The following NEB variants were observed in gnomAD, a reference collection of about 807,000 sequenced individuals.
NEB encodes nebulin.
Under a neutral mutation model 952.2 loss-of-function variants are expected in NEB, and 512 were observed. The observed-to-expected ratio is 0.54, with a 90% CI of 0.50 to 0.58. The LOEUF is 0.58. Among genes scored for constraint, NEB ranks in the 20% least tolerant of loss-of-function variants. The pLI, the probability that NEB is intolerant of heterozygous loss-of-function variation, is 0.00. For missense variants in NEB, 8,428 were observed against 9,231.1 expected, an observed-to-expected ratio of 0.91 and a Z score of 3.56; for synonymous variants, 2,900 against 3,149.8, an observed-to-expected ratio of 0.92 and a Z score of 2.66.
At position 151,627,641 on chromosome 2, in the gene NEB, T is replaced by A; in HGVS notation, c.10025A>T (p.Lys3342Met). The A allele has an allele frequency of 6.2e-7, 1 of 1,614,028 alleles. No homozygotes were observed. The highest frequency in any genetic ancestry group is 8.5e-7 in the Non-Finnish European group (1 of 1,179,886). The change falls in exon 69 of 182, where the codon AAG becomes ATG. Residue 3342 changes from lysine to methionine, a missense_variant. Transcript: ENST00000397345. Reference protein sequence around the residue: ...PVDMLGVVLAKKCQTLVSDVD... With the variant: ...PVDMLGVVLAMKCQTLVSDVD... ...ATCGCTGACTAAGGTCTGGCACTTCTTGGCTAACACCACTCCCAGCATGTC... is the reference window on the plus strand; with the variant it reads ...ATCGCTGACTAAGGTCTGGCACTTCATGGCTAACACCACTCCCAGCATGTC...
chr2:151,675,233 C>T (rs961926764), intron 35 of NEB, 54 bp downstream of exon 35: 8 of 1,252,388 alleles, frequency 6.4e-6, no homozygotes, highest in Admixed American at 2.0e-5. Flanking sequence ...CTCTTAAAGT[C>T]TATAATTTTA....
chr2:151,617,312 C>T (rs1573826626), intron 75 of NEB, 52 bp downstream of exon 75: 1 of 1,245,114 alleles, frequency 8.0e-7, no homozygotes, highest in Non-Finnish European at 1.1e-6. Flanking sequence ...GAAACAGCTA[C>T]AGTGGTTCAT....
intron 151 of NEB, among the ~76,000 whole-genome samples, 170 bp from the exon 152 acceptor site, chr2:151,524,786 C>T (rs1205790433): frequency 6.7e-6 from 1 of 150,022 alleles, no homozygotes; most frequent in Admixed American, 6.7e-5. Flanking sequence ...TCTGCCTCAG[C>T]CTCCCGAGTA....
chr2:151,662,367 T>A (rs376617021), intron 45 of NEB, 26 bp from the exon 46 acceptor site: 1 of 1,521,976 alleles, frequency 6.6e-7, no homozygotes, highest in African/African-American at 1.4e-5. Flanking sequence ...AATTAAATTA[T>A]GAGAAGAAAC....
chr2:151,502,895 AC>A lies in NEB; in HGVS notation c.23836-11del. ...TTTCTTTGTACAAAACCTGTGAGATACAAGAAAGTACCCAGAGGACATTTAA... is the reference window on the plus strand; with the variant it reads ...TTTCTTTGTACAAAACCTGTGAGATAAAGAAAGTACCCAGAGGACATTTAA... On this transcript the variant is annotated splice_polypyrimidine_tract_variant and intron_variant, in intron 166 of 181. Coordinates refer to ENST00000397345, the MANE Select transcript of NEB (RefSeq NM_001164508.2). 6.7e-7 allele frequency: 1 copy of A among 1,487,968 alleles called. No individual in the cohort carries two copies. Among genetic ancestry groups the A allele is most frequent in the Non-Finnish European group, 9.3e-7 (1 of 1,073,230 alleles). 92.2% of individuals were successfully genotyped at this position (1,487,968 alleles called of 1,614,324 possible).
intron 74 of NEB, 74 bp downstream of exon 74, chr2:151,618,201 G>T: frequency 1.5e-6 from 2 of 1,305,146 alleles, no homozygotes; most frequent in Non-Finnish European, 2.2e-6. Flanking sequence ...TCTTTAAAAT[G>T]CAATAATATA....
At chr2:151,676,397 C>T (rs1167860374) in intron 34 of NEB, among the ~76,000 whole-genome samples, 1 of 152,176 alleles carries the variant, frequency 6.6e-6, no homozygotes, top group African/African-American at 2.4e-5. Context: ...ATCTTCTCAC[C>T]TCCAGTCTCT....
In NEB at chr2:151,619,727, ACCC is replaced by A; in HGVS notation, c.10593_10595del (p.Leu3531_Gly3532delinsPhe). On this transcript the variant is annotated inframe_deletion, in exon 73 of 182. Transcript: ENST00000397345. The stretch of plus-strand genomic sequence containing the variant: ...GTACTGCTCGGGCGCCAATGTGGTG[ACCC>A]AACTGTTTACGATATGCTTCTTTGT... 6.2e-7 allele frequency: 1 copy of A among 1,613,280 alleles called. No individual in the cohort carries two copies. The highest frequency in any genetic ancestry group is 8.5e-7 in the Non-Finnish European group (1 of 1,179,358).
chr2:151,701,567 T>C (rs1191915078), intron 13 of NEB, among the ~76,000 whole-genome samples: 1 of 151,682 alleles, frequency 6.6e-6, no homozygotes, highest in Non-Finnish European at 1.5e-5. Flanking sequence ...TATTCAGAGA[T>C]TCAACTTCTT....
In NEB at chr2:151,717,486, G is replaced by T; in HGVS notation, c.752C>A (p.Ala251Asp). Residue 251 changes from alanine (A) to aspartate (D), a missense_variant, in exon 10 of 182, where the codon GCT (alanine) becomes GAT (aspartate). Coordinates refer to ENST00000397345, the MANE Select transcript of NEB (RefSeq NM_001164508.2). ...AGGATCAGCCAGAGGCGTGAATTGA[G>T]CTTGCTGTTCAGCGAGACCTTTTTT... ...AYKKGLAEQQAQFTPLADPPD... is the reference protein window; with the variant it reads ...AYKKGLAEQQDQFTPLADPPD... The T allele has an allele frequency of 6.2e-7, 1 of 1,613,934 alleles. No homozygotes were observed. Among genetic ancestry groups the T allele is most frequent in the Non-Finnish European group, 8.5e-7 (1 of 1,179,822 alleles).
chr2:151,639,392 A>G lies in NEB; in HGVS notation c.8890-8T>C. On this transcript the variant is annotated splice_region_variant and splice_polypyrimidine_tract_variant and intron_variant, in intron 62 of 181. Transcript: ENST00000397345. ...GGCTTCTGTGTATAAACGCTATCAA[A>G]AAAAATACACAAATTCATCAGGAAA... The G allele has an allele frequency of 1.3e-6, 2 of 1,512,966 alleles. No homozygotes were observed. The highest frequency in any genetic ancestry group is 1.8e-6 in the Non-Finnish European group (2 of 1,128,670). The allele number at this position is 1,512,966 out of a possible 1,614,324, so 93.7% of individuals were successfully genotyped here.
Position 151,533,526 on chromosome 2 carries a change from G to A in NEB, c.21333C>T (p.Ala7111=). The change falls in exon 143 of 182, where the codon GCC becomes GCT. Residue 7111 remains alanine, a synonymous_variant. Coordinates refer to ENST00000397345, the MANE Select transcript of NEB (RefSeq NM_001164508.2). ...TACATCCATGTTGCAGAAACATCTT[G>A]GCACTAGATTTATATTTTCTCTGTC... is the stretch of plus-strand genomic sequence containing the variant. ...LMNERKYKSS[A]KMFLQHGCNE... The A allele has an allele frequency of 6.4e-7, 1 of 1,550,748 alleles. No individual in the cohort carries two copies. The highest frequency in any genetic ancestry group is 8.7e-7 in the Non-Finnish European group (1 of 1,146,318).
rs773701995 is a variant in NEB, at chr2:151,537,909, T to A, written c.21065A>T (p.His7022Leu). Residue 7022 changes from histidine to leucine, a missense_variant, in exon 140 of 182, where the codon CAT becomes CTT. This residue lies in a region of NEB where 3,374 missense variants were observed against 3,651.5 expected (regional missense o/e 0.92). Coordinates refer to ENST00000397345, the MANE Select transcript of NEB (RefSeq NM_001164508.2). ...IWRSIPDRPE[H>L]FHHRAVTDTV... ...GTCAGTGACTGCTCGGTGGTGGAAA[T>A]GCTCTGGACGATCAGGAATGGACCT... The A allele has an allele frequency of 1.2e-5, 20 of 1,612,344 alleles. No individual in the cohort carries two copies. Among genetic ancestry groups the A allele is most frequent in the Non-Finnish European group, 1.7e-5 (20 of 1,179,284 alleles).
Position 151,727,719 on chromosome 2 carries a change from C to T in NEB, c.266G>A (p.Ser89Asn). 1 of 1,613,422 alleles carries T rather than the reference C, an allele frequency of 6.2e-7. No homozygotes were observed. Among genetic ancestry groups the T allele is most frequent in the Non-Finnish European group, 8.5e-7 (1 of 1,179,528 alleles). ...SKFMTPYIAH[S>N]QKMQDLFSPN... ...GCTAAAAAGATCCTGCATTTTCTGA[C>T]TGTGTGCAATGTAGGGGGTCATGAA... Residue 89 changes from serine (S) to asparagine (N), a missense_variant, in exon 5 of 182, where the codon AGT becomes AAT. By Grantham distance (46) the Ser-to-Asn change is conservative. Transcript: ENST00000397345.
intron 145 of NEB, among the ~76,000 whole-genome samples, chr2:151,529,872 G>A (rs1411011873): frequency 6.6e-6 from 1 of 152,104 alleles, no homozygotes; most frequent in African/African-American, 2.4e-5. Flanking sequence ...GAAAGGACCA[G>A]TTGGAACCCT....
intron 107 of NEB, 120 bp downstream of exon 107, chr2:151,575,575 G>C (rs1164348448): frequency 8.3e-6 from 6 of 719,004 alleles, no homozygotes; most frequent in Non-Finnish European, 1.4e-5. Context: ...TGACCACAAG[G>C]AGTCTTCCCC....
chr2:151,562,499 G>T, intron 120 of NEB, 112 bp downstream of exon 120: 1 of 1,140,378 alleles, frequency 8.8e-7, no homozygotes, highest in Non-Finnish European at 1.2e-6. Context: ...TTGAGAAGCA[G>T]CAAGATTTAT....
chr2:151,494,423 C>T (rs992623085), intron 173 of NEB, among the ~76,000 whole-genome samples, 170 bp from the exon 174 acceptor site: 1 of 152,112 alleles, frequency 6.6e-6, no homozygotes, highest in African/African-American at 2.4e-5. Context: ...GTAGTTACAG[C>T]AAGACACAAC....
chr2:151,728,185 C>A (rs1035175962), intron 4 of NEB, among the ~76,000 whole-genome samples: 2 of 152,106 alleles, frequency 1.3e-5, no homozygotes, highest in Non-Finnish European at 2.9e-5. Flanking sequence ...GAAAGACACT[C>A]GAACACTTCA....
Sources: allele counts gnomAD v4.1 joint callset (sites outside exome capture counted in the v4.1 genomes callset), GRCh38; gene constraint gnomAD v4.1.1; regional missense constraint gnomAD v4.1.1; transcripts MANE v1.5; gene names NCBI Gene and HGNC (gene_info 2026-07-23, HGNC 2026-07-21).